OTUD7B: variants seen among roughly 807,000 people sequenced by gnomAD.
The protein encoded by OTUD7B is OTU deubiquitinase 7B.
Under a neutral mutation model 82.2 loss-of-function variants are expected in OTUD7B, and 34 were observed. The ratio of observed to expected loss-of-function variants is 0.41; its 90% CI spans 0.31 to 0.55. The LOEUF is 0.55. OTUD7B is among the 20% of genes least tolerant of loss of function. The pLI, the probability that OTUD7B is intolerant of heterozygous loss-of-function variation, is 0.20. For missense variants in OTUD7B, 944 were observed against 1,062.1 expected (o/e 0.89, Z 1.55); for synonymous variants, 398 against 402.7 (o/e 0.99, Z 0.14).
At chr1:150,014,224 T>G (rs186203740), upstream of OTUD7B, among the ~76,000 whole-genome samples, 1 of 52,456 alleles carries the variant, frequency 1.9e-5, no homozygotes, top group Non-Finnish European at 3.5e-5. Flanking sequence ...TATAAGGAGA[T>G]CCCATTTCTA....
intron 1 of OTUD7B, among the ~76,000 whole-genome samples, chr1:149,997,349 T>C (rs879977009): frequency 2.0e-5 from 3 of 152,220 alleles, no homozygotes; most frequent in Non-Finnish European, 4.4e-5. Context: ...AATTGATTTA[T>C]AGTATTTACT....
At chr1:149,981,666 T>C (rs2101872840) in intron 1 of OTUD7B, among the ~76,000 whole-genome samples, 1 of 152,366 alleles carries the variant, frequency 6.6e-6, no homozygotes, top group South Asian at 2.1e-4. Flanking sequence ...TGCTTGTACC[T>C]ATATTCATTC....
At position 149,944,681 on chromosome 1, in the gene OTUD7B, C is replaced by T. The variant is rs1553771572; in HGVS notation, c.1708G>A (p.Gly570Arg). The change falls in exon 12 of 12, where the codon GGG (glycine) becomes AGG (arginine). Residue 570 changes from glycine to arginine, a missense_variant. Around this residue, in one of 3 missense-constraint regions of OTUD7B, gnomAD observed 412 missense variants for 418.7 expected, o/e 0.98. Coordinates refer to ENST00000581312, the MANE Select transcript of OTUD7B (RefSeq NM_020205.4). ...KGGKEEAAGD[G>R]PVSEKPPAES... ...GCTGGGGGCTTCTCAGACACAGGCCCATCCCCAGCTGCCTCCTCCTTGCCA... is the reference window on the plus strand; with the variant it reads ...GCTGGGGGCTTCTCAGACACAGGCCTATCCCCAGCTGCCTCCTCCTTGCCA... 1.2e-6 allele frequency: 2 copies of T among 1,613,900 alleles called. No individual in the cohort carries two copies. Among genetic ancestry groups the T allele is most frequent in the South Asian group, 2.2e-5 (2 of 91,080 alleles).
At chr1:150,011,969 T>C (rs587701141), upstream of OTUD7B, among the ~76,000 whole-genome samples, 1 of 152,340 alleles carries the variant, frequency 6.6e-6, no homozygotes, top group East Asian at 1.9e-4. Context: ...CTCTTAGGGA[T>C]ACACCTGGGT....
chr1:149,958,262 T>A (rs1480213699), intron 7 of OTUD7B, among the ~76,000 whole-genome samples: 1 of 150,902 alleles, frequency 6.6e-6, no homozygotes, highest in African/African-American at 2.4e-5. Context: ...CTGGACATTA[T>A]ATAATTTCAT....
At chr1:149,950,055 G>C (rs371310339) in intron 8 of OTUD7B, 39 bp downstream of exon 8, 3 of 1,611,244 alleles carry the variant, frequency 1.9e-6, no homozygotes, top group East Asian at 2.2e-5. Flanking sequence ...TGCAAAAGGG[G>C]GTGCTCAGCA....
At chr1:149,976,633 A>AAAAAAAAAAAT (rs1176193849) in intron 2 of OTUD7B, among the ~76,000 whole-genome samples, 2 of 102,646 alleles carry the variant, frequency 1.9e-5, no homozygotes, top group Non-Finnish European at 3.8e-5. Context: ...AAAAAAAAAT[A>AAAAAAAAAAAT]CTAGAACATT....
intron 1 of OTUD7B, among the ~76,000 whole-genome samples, chr1:149,987,322 C>G (rs1389566050): frequency 6.6e-6 from 1 of 152,244 alleles, no homozygotes; most frequent in African/African-American, 2.4e-5. Flanking sequence ...TCCACCCTCA[C>G]TGCTTCAACT....
chr1:149,980,711 C>A (rs1265990203), intron 1 of OTUD7B, among the ~76,000 whole-genome samples: 2 of 137,758 alleles, frequency 1.5e-5, no homozygotes, highest in African/African-American at 2.8e-5. Context: ...GACTCTGTCT[C>A]GAAAAAAACA....
intron 7 of OTUD7B, among the ~76,000 whole-genome samples, chr1:149,958,649 T>A (rs1648900973): frequency 6.6e-6 from 1 of 152,134 alleles, no homozygotes; most frequent in African/African-American, 2.4e-5. Flanking sequence ...ATACCATTAA[T>A]ATCACATTTT....
rs1417951399 is a variant in OTUD7B at position 149,940,743 on chromosome 1, C to T, written c.*3114G>A. 3 of 151,868 alleles carry T rather than the reference C, an allele frequency of 2.0e-5. No individual in the cohort carries two copies. Among genetic ancestry groups the T allele is most frequent in the Non-Finnish European group, 2.9e-5 (2 of 67,980 alleles). The allele number at this position is 151,868 out of a possible 1,614,324, so 9.4% of individuals were successfully genotyped here. A position where few individuals can be genotyped will look rare whatever the true frequency, so the allele number is the denominator to read the frequency against. On this transcript the variant is annotated 3_prime_UTR_variant, in exon 12 of 12. Transcript: ENST00000581312. ...CCCATTTCGAGTGCAGGCCATATGCCCCTTCTTTCCTTCTCCCCAACCCAG... is the reference window on the plus strand; with the variant it reads ...CCCATTTCGAGTGCAGGCCATATGCTCCTTCTTTCCTTCTCCCCAACCCAG...
the OTUD7B span, among the ~76,000 whole-genome samples, chr1:150,050,721 A>G: frequency 7.9e-5 from 12 of 152,306 alleles, no homozygotes; most frequent in African/African-American, 2.6e-4. Flanking sequence ...CCTCATTCAC[A>G]TAACAATTAC....
At chr1:149,955,228 T>G (rs200927807) in intron 7 of OTUD7B, among the ~76,000 whole-genome samples, 4 of 151,680 alleles carry the variant, frequency 2.6e-5, no homozygotes, top group South Asian at 2.1e-4. Flanking sequence ...TCCCAGAGAT[T>G]CTGGTATGTT....
the OTUD7B span, among the ~76,000 whole-genome samples, chr1:150,036,066 C>T: frequency 5.3e-5 from 8 of 151,686 alleles, no homozygotes; most frequent in East Asian, 1.5e-3. Context: ...GATCTTCCCC[C>T]CTCAGCCTTC....
chr1:149,944,377 G>T lies in OTUD7B; in HGVS notation c.2012C>A (p.Ala671Asp), dbSNP rs202163044. The T allele has an allele frequency of 3.2e-5, 52 of 1,613,870 alleles. 1 individual carries two copies. In the Middle Eastern group the frequency reaches 6.6e-4, roughly 20 times the overall value. The change falls in exon 12 of 12, where the codon GCT (alanine) becomes GAT (aspartate). Residue 671 changes from alanine to aspartate, a missense_variant. Physicochemically the swap from Ala to Asp is moderately radical, Grantham distance 126. This residue lies in a region of OTUD7B where 412 missense variants were observed against 418.7 expected (regional missense o/e 0.98). Coordinates refer to ENST00000581312, the MANE Select transcript of OTUD7B (RefSeq NM_020205.4). ...PPPAKKPEPD[A>D]REEQPTGPPA... Reference sequence around the variant, plus strand: ...GGGACCGGTCGGCTGCTCTTCCCTAGCATCTGGCTCTGGCTTTTTGGCTGG... The same window carrying T: ...GGGACCGGTCGGCTGCTCTTCCCTATCATCTGGCTCTGGCTTTTTGGCTGG...
intron 3 of OTUD7B, among the ~76,000 whole-genome samples, chr1:149,969,334 C>A (rs1265053420): frequency 6.6e-6 from 1 of 152,076 alleles, no homozygotes; most frequent in East Asian, 1.9e-4. Context: ...AAAAACAGTA[C>A]CATGTGCCTA....
chr1:149,972,244 T>C (rs781801751), intron 2 of OTUD7B, among the ~76,000 whole-genome samples: 25 of 152,236 alleles, frequency 1.6e-4, no homozygotes, highest in Non-Finnish European at 3.2e-4. Context: ...GCACTTAGAA[T>C]AGTGGTTGGT....
intron 7 of OTUD7B, among the ~76,000 whole-genome samples, chr1:149,952,441 G>C (rs1553773695): frequency 2.0e-5 from 3 of 152,070 alleles, no homozygotes; most frequent in African/African-American, 7.3e-5. Context: ...TCTTAATCCA[G>C]TCTATCATTG....
chr1:150,019,957 TG>T, the OTUD7B span, among the ~76,000 whole-genome samples: 2 of 151,956 alleles, frequency 1.3e-5, no homozygotes, highest in African/African-American at 4.8e-5. Context: ...GGCAATGTAG[TG>T]AGACACTGTC....
Sources: allele counts gnomAD v4.1 joint callset (sites outside exome capture counted in the v4.1 genomes callset), GRCh38; gene constraint gnomAD v4.1.1; regional missense constraint gnomAD v4.1.1; transcripts MANE v1.5; gene names NCBI Gene and HGNC (gene_info 2026-07-23, HGNC 2026-07-21).